Variants in CFAP54 observed in about 807,000 individuals in gnomAD.
The protein encoded by CFAP54 is cilia and flagella associated protein 54.
Under a neutral mutation model 370.4 loss-of-function variants are expected in CFAP54, and 290 were observed. The observed-to-expected ratio is 0.78, with a 90% confidence interval of 0.71 to 0.86. The LOEUF (loss-of-function observed/expected upper bound fraction) is 0.86. CFAP54 is among the 40% of genes least tolerant of loss of function. The probability of loss-of-function intolerance (pLI) is 0.00; values close to 1 mark genes in which losing one functional copy is unlikely to be tolerated. For missense variants in CFAP54, 3,399 were observed against 3,528.7 expected, an observed-to-expected ratio of 0.96 and a Z score of 0.93; for synonymous variants, 1,206 against 1,236.5, an observed-to-expected ratio of 0.98 and a Z score of 0.52.
intron 5 of CFAP54, among the ~76,000 whole-genome samples, chr12:96,513,613 T>A (rs1370287858): frequency 6.6e-6 from 1 of 152,138 alleles, no homozygotes; most frequent in Non-Finnish European, 1.5e-5. Context: ...TGGTGGCACA[T>A]GCCTGTAGTC....
chr12:96,675,885 G>C (rs1957200403), intron 39 of CFAP54, among the ~76,000 whole-genome samples: 1 of 151,488 alleles, frequency 6.6e-6, no homozygotes, highest in Non-Finnish European at 1.5e-5. Context: ...GGGAATTGAA[G>C]GATGAGAATA....
At chr12:96,501,000 A>G in intron 2 of CFAP54, 61 bp downstream of exon 2, 1 of 909,368 alleles carries the variant, frequency 1.1e-6, no homozygotes, top group Non-Finnish European at 1.7e-6. Flanking sequence ...TTATTACAGT[A>G]TTTAGTCTGA....
intron 48 of CFAP54, among the ~76,000 whole-genome samples, chr12:96,711,486 C>G (rs1253391950): frequency 2.6e-5 from 4 of 152,170 alleles, no homozygotes; most frequent in African/African-American, 7.2e-5. Context: ...GCTAGAGACT[C>G]TGTCCCACAA....
chr12:96,711,009 G>T (rs1214717943), intron 48 of CFAP54, among the ~76,000 whole-genome samples: 1 of 152,124 alleles, frequency 6.6e-6, no homozygotes, highest in African/African-American at 2.4e-5. Flanking sequence ...TAAATGTTTG[G>T]TAGAATTCAA....
At chr12:96,672,198 G>C (rs1009177984) in intron 39 of CFAP54, among the ~76,000 whole-genome samples, 1 of 152,008 alleles carries the variant, frequency 6.6e-6, no homozygotes, top group African/African-American at 2.4e-5. Context: ...AGATAGGAGA[G>C]AAAAGTATTG....
chr12:96,535,014 G>C (rs1268822938), intron 11 of CFAP54, among the ~76,000 whole-genome samples: 3 of 104,506 alleles, frequency 2.9e-5, no homozygotes, highest in Admixed American at 9.6e-5. Context: ...TTTTCTGTGT[G>C]TGTGTGTGTG....
rs142652214 is a variant in CFAP54 at position 96,663,882 on chromosome 12, T to C, written c.5513T>C (p.Ile1838Thr). ...CAGCTTAAGATTAATTCTTCAACCATTGAAGCAACAAGCAACTGCACAGAT... is the reference window on the plus strand; with the variant it reads ...CAGCTTAAGATTAATTCTTCAACCACTGAAGCAACAAGCAACTGCACAGAT... ...GKQLKINSST[I>T]EATSNCTDLL... Residue 1838 changes from isoleucine to threonine, a missense_variant, in exon 39 of 68, where the codon ATT (isoleucine) becomes ACT (threonine). By Grantham distance (89) the Ile-to-Thr change is moderately conservative (BLOSUM62 -1). This residue lies in a region of CFAP54 where 2,796 missense variants were observed against 2,869.7 expected (regional missense o/e 0.97). Coordinates refer to ENST00000524981, the MANE Select transcript of CFAP54 (RefSeq NM_001306084.2). 8.6e-5 allele frequency: 138 copies of C among 1,613,432 alleles called. No homozygotes were observed. The highest frequency in any genetic ancestry group is 7.6e-4 in the African/African-American group (57 of 75,028).
At chr12:96,796,905 T>C (rs1375362659) in intron 63 of CFAP54, among the ~76,000 whole-genome samples, 1 of 152,168 alleles carries the variant, frequency 6.6e-6, no homozygotes, top group Non-Finnish European at 1.5e-5. Context: ...TGCTGACTTA[T>C]TGCAATAAAT....
intron 17 of CFAP54, among the ~76,000 whole-genome samples, chr12:96,559,213 C>T (rs1393283646): frequency 6.6e-6 from 1 of 151,602 alleles, no homozygotes; most frequent in Non-Finnish European, 1.5e-5. Context: ...GAGGCTCCAT[C>T]TCAAAAAAAA....
chr12:96,819,633 C>T (rs750283929), intron 65 of CFAP54, among the ~76,000 whole-genome samples: 17 of 152,122 alleles, frequency 1.1e-4, no homozygotes, highest in Non-Finnish European at 2.4e-4. Context: ...TGTTATGACC[C>T]TGTAAATGAT....
At chr12:96,687,081 A>T (rs1331680050) in intron 42 of CFAP54, among the ~76,000 whole-genome samples, 3 of 151,998 alleles carry the variant, frequency 2.0e-5, no homozygotes, top group Non-Finnish European at 4.4e-5. Flanking sequence ...TGTCTTCAAG[A>T]CCAACAGCTG....
chr12:96,678,981 T>C (rs913841603), intron 39 of CFAP54, among the ~76,000 whole-genome samples: 2 of 152,180 alleles, frequency 1.3e-5, no homozygotes, highest in African/African-American at 4.8e-5. Context: ...TCCTGCTTCA[T>C]GATGTATGCA....
At chr12:96,732,915 A>G (rs2136629842) in intron 50 of CFAP54, among the ~76,000 whole-genome samples, 1 of 152,224 alleles carries the variant, frequency 6.6e-6, no homozygotes, top group African/African-American at 2.4e-5. Flanking sequence ...GAAAATATTT[A>G]TCAATACCTT....
At chr12:96,873,250 G>A (rs185727730) in intron 67 of CFAP54, among the ~76,000 whole-genome samples, 8 of 152,316 alleles carry the variant, frequency 5.3e-5, no homozygotes, top group African/African-American at 1.9e-4. Context: ...TATGAAATGG[G>A]AGGTTTGAGT....
At chr12:96,639,887 G>T (rs1956705166) in intron 32 of CFAP54, among the ~76,000 whole-genome samples, 1 of 152,118 alleles carries the variant, frequency 6.6e-6, no homozygotes, top group Non-Finnish European at 1.5e-5. Context: ...CAACATTCTT[G>T]CTAAAAACTC....
At chr12:96,544,030 T>A (rs1955608888) in intron 14 of CFAP54, among the ~76,000 whole-genome samples, 1 of 152,152 alleles carries the variant, frequency 6.6e-6, no homozygotes, top group East Asian at 1.9e-4. Flanking sequence ...ATATATGCAG[T>A]TGACCCTTGA....
At chr12:96,776,875 T>C (rs1958522501) in intron 60 of CFAP54, among the ~76,000 whole-genome samples, 1 of 152,240 alleles carries the variant, frequency 6.6e-6, no homozygotes, top group Admixed American at 6.5e-5. Flanking sequence ...ATACATTTTA[T>C]TGGACAATAT....
Position 96,860,919 on chromosome 12 carries a change from T to C in CFAP54, c.9272T>C (p.Ile3091Thr), listed in dbSNP as rs1415919402. The change falls in exon 67 of 68, where the codon ATA (isoleucine) becomes ACA (threonine). Residue 3091 changes from isoleucine to threonine, a missense_variant. Ile to Thr is a moderately conservative substitution (Grantham distance 89, BLOSUM62 -1). Transcript: ENST00000524981. ...TCAGGAGGAAGCCTTTTCAACTGGA[T>C]AGTGTCAATTATTCCCTGAATATCC... ...ILSGGSLFNW[I>T]VSIIP 6.5e-7 allele frequency: 1 copy of C among 1,534,482 alleles called. No individual in the cohort carries two copies. Among genetic ancestry groups the C allele is most frequent in the Admixed American group, 2.0e-5 (1 of 50,824 alleles).
intron 67 of CFAP54, among the ~76,000 whole-genome samples, chr12:96,871,553 T>C (rs1335395510): frequency 6.6e-6 from 1 of 152,056 alleles, no homozygotes; most frequent in Admixed American, 6.6e-5. Context: ...ATCCACAATC[T>C]AGGAAAAAAA....
Sources: allele counts gnomAD v4.1 joint callset (sites outside exome capture counted in the v4.1 genomes callset), GRCh38; gene constraint gnomAD v4.1.1; regional missense constraint gnomAD v4.1.1; transcripts MANE v1.5; gene names NCBI Gene and HGNC (gene_info 2026-07-23, HGNC 2026-07-21).